Variants in TANC2 observed in about 807,000 individuals in gnomAD.
TANC2 encodes protein TANC2.
Under a neutral mutation model 210.5 loss-of-function variants are expected in TANC2, and 26 were observed. That is an observed-to-expected ratio of 0.12 (90% CI 0.09 to 0.17). The LOEUF (loss-of-function observed/expected upper bound fraction) is 0.17. Among genes scored for constraint, TANC2 ranks in the 10% least tolerant of loss-of-function variants. The pLI is 1.00. For missense variants in TANC2, 2,129 were observed against 2,608.9 expected (o/e 0.82, Z 4.01); for synonymous variants, 931 against 967.1 (o/e 0.96, Z 0.69).
intron 4 of TANC2, among the ~76,000 whole-genome samples, chr17:63,121,775 C>G (rs2038489185): frequency 6.6e-6 from 1 of 152,084 alleles, no homozygotes; most frequent in Non-Finnish European, 1.5e-5. Context: ...CTACTTAGAT[C>G]ATCGGGTCTG....
intron 15 of TANC2, among the ~76,000 whole-genome samples, chr17:63,383,489 C>G (rs961321030): frequency 2.6e-5 from 4 of 152,310 alleles, no homozygotes; most frequent in South Asian, 4.1e-4. Flanking sequence ...TGGCTCCTTT[C>G]ACTTAGCAAT....
intron 4 of TANC2, among the ~76,000 whole-genome samples, chr17:63,129,252 C>T (rs1262394339): frequency 2.0e-5 from 3 of 152,116 alleles, no homozygotes; most frequent in African/African-American, 7.2e-5. Flanking sequence ...AGACCTCCTG[C>T]CTCGGCCTCC....
intron 5 of TANC2, among the ~76,000 whole-genome samples, chr17:63,180,621 A>T (rs1328682899): frequency 6.6e-6 from 1 of 152,226 alleles, no homozygotes; most frequent in Non-Finnish European, 1.5e-5. Context: ...AACCTTTATT[A>T]TATTCAAATC....
intron 19 of TANC2, among the ~76,000 whole-genome samples, chr17:63,402,257 A>T (rs1352077806): frequency 6.6e-6 from 1 of 151,916 alleles, no homozygotes; most frequent in Non-Finnish European, 1.5e-5. Flanking sequence ...TCTAACTCAC[A>T]TTATCATCTC....
chr17:63,254,380 T>C (rs142346301), intron 8 of TANC2, among the ~76,000 whole-genome samples: 59 of 152,336 alleles, frequency 3.9e-4, no homozygotes, highest in African/African-American at 1.3e-3. Flanking sequence ...TTTTGTAAAA[T>C]CTTTGGGTTT....
chr17:63,322,715 T>C (rs1175700637), intron 11 of TANC2, among the ~76,000 whole-genome samples: 1 of 152,190 alleles, frequency 6.6e-6, no homozygotes, highest in Non-Finnish European at 1.5e-5. Flanking sequence ...CAAATACATA[T>C]ATAGTATGTC....
chr17:63,287,897 G>A (rs976018298), intron 9 of TANC2, among the ~76,000 whole-genome samples: 9 of 151,900 alleles, frequency 5.9e-5, no homozygotes, highest in African/African-American at 1.2e-4. Context: ...GCTGGGTCTC[G>A]ATCTCCTGAC....
At chr17:63,411,860 C>A (rs1342417076) in intron 22 of TANC2, 138 bp from the exon 23 acceptor site, 23 of 1,426,090 alleles carry the variant, frequency 1.6e-5, no homozygotes, top group Non-Finnish European at 2.2e-5. Flanking sequence ...AAGGATATAG[C>A]TAAGGCCTGA....
intron 4 of TANC2, among the ~76,000 whole-genome samples, chr17:63,110,840 T>C (rs1200529306): frequency 6.6e-6 from 1 of 152,196 alleles, no homozygotes; most frequent in African/African-American, 2.4e-5. Context: ...GTCTCTTACT[T>C]AGAGCAGGAT....
At chr17:63,401,755 T>C (rs1474575647) in intron 19 of TANC2, among the ~76,000 whole-genome samples, 3 of 152,084 alleles carry the variant, frequency 2.0e-5, no homozygotes, top group African/African-American at 7.2e-5. Flanking sequence ...CACACCCTCC[T>C]CTCCCTTGTG....
intron 1 of TANC2, among the ~76,000 whole-genome samples, chr17:62,971,593 G>T (rs1291354105): frequency 6.6e-6 from 1 of 152,206 alleles, no homozygotes; most frequent in Non-Finnish European, 1.5e-5. Flanking sequence ...GCCTCCCAAA[G>T]TGCTGGGATT....
intron 15 of TANC2, among the ~76,000 whole-genome samples, chr17:63,383,461 C>G (rs2047677996): frequency 1.3e-5 from 2 of 152,196 alleles, no homozygotes; most frequent in African/African-American, 4.8e-5. Flanking sequence ...AATCACACAA[C>G]ATGTAGAATG....
At position 63,063,475 on chromosome 17, in the gene TANC2, G is replaced by A. The variant is rs117940641; in HGVS notation, c.68-10468G>A. On this transcript the variant is annotated intron_variant, in intron 2 of 27. Transcript: ENST00000689528. ...ACTCATTAGAACAAAGGACACTCCC[G>A]TCACCCAGGAAATTCCAAAAGATTA... Among the ~76,000 whole-genome samples, 363 of 151,572 alleles carry A rather than the reference G, an allele frequency of 2.4e-3. 5 individuals carry two copies. The highest frequency in any genetic ancestry group is 8.7e-3 in the East Asian group (45 of 5,150).
At chr17:63,157,971 G>T (rs776674398) in intron 5 of TANC2, among the ~76,000 whole-genome samples, 2 of 152,086 alleles carry the variant, frequency 1.3e-5, no homozygotes, top group Non-Finnish European at 2.9e-5. Context: ...TGTAGGTAAA[G>T]TTATATCTTT....
intron 14 of TANC2, among the ~76,000 whole-genome samples, chr17:63,357,964 G>T (rs1343699620): frequency 1.3e-5 from 2 of 152,228 alleles, no homozygotes; most frequent in African/African-American, 4.8e-5. Flanking sequence ...AGGTAAGCCA[G>T]TGCCTGACAT....
chr17:63,098,816 G>GC (rs2037511580), intron 3 of TANC2, among the ~76,000 whole-genome samples: 1 of 151,678 alleles, frequency 6.6e-6, no homozygotes, highest in Non-Finnish European at 1.5e-5. Context: ...AATTGCACAC[G>GC]ATGGCTTGCT....
At position 63,338,644 on chromosome 17, in the gene TANC2, G is replaced by A. The variant is rs374201388; in HGVS notation, c.1576-1457G>A. ...GGTTCCTTACATTCTGTTTAAGATA[G>A]ATAAAATACAGTAGGTAAAATAATC... On this transcript the variant is annotated intron_variant, in intron 11 of 27. Coordinates refer to ENST00000689528, the Ensembl canonical transcript of TANC2. Among the ~76,000 whole-genome samples, 3 of 152,174 alleles carry A rather than the reference G, an allele frequency of 2.0e-5. No homozygotes were observed. The East Asian group carries it at 5.8e-4, about 29-fold the overall frequency.
At chr17:63,329,979 A>C (rs572607096) in intron 11 of TANC2, among the ~76,000 whole-genome samples, 9 of 152,254 alleles carry the variant, frequency 5.9e-5, no homozygotes, top group African/African-American at 1.9e-4. Context: ...CAAGTAATCA[A>C]GTTTTGAGTA....
chr17:63,043,206 G>C (rs1054780711), intron 2 of TANC2, among the ~76,000 whole-genome samples: 1 of 151,984 alleles, frequency 6.6e-6, no homozygotes, highest in Non-Finnish European at 1.5e-5. Context: ...CTCTCACATT[G>C]TAAAGTCTAT....
Sources: allele counts gnomAD v4.1 joint callset (sites outside exome capture counted in the v4.1 genomes callset), GRCh38; gene constraint gnomAD v4.1.1; transcripts MANE v1.5; gene names NCBI Gene and HGNC (gene_info 2026-07-23, HGNC 2026-07-21).